Variants in CAB39 observed in about 807,000 individuals in gnomAD.
CAB39 encodes the protein calcium binding protein 39.
In CAB39, 8 loss-of-function variants were observed where a neutral mutation model predicts 40.0. The observed-to-expected ratio is 0.20, with a 90% CI of 0.12 to 0.36. The LOEUF (loss-of-function observed/expected upper bound fraction) is 0.36. CAB39 is among the 10% of genes least tolerant of loss of function. The pLI, the probability that CAB39 is intolerant of heterozygous loss-of-function variation, is 1.00. For missense variants in CAB39, 270 were observed against 401.1 expected (o/e 0.67, Z 2.79); for synonymous variants, 156 against 141.6 (o/e 1.10, Z -0.72).
chr2:230,721,264 C>G (rs919848400), intron 1 of CAB39, among the ~76,000 whole-genome samples: 2 of 152,092 alleles, frequency 1.3e-5, no homozygotes, highest in African/African-American at 4.8e-5. Flanking sequence ...AACCATGTCT[C>G]TACTAAAAAT....
At chr2:230,726,881 T>C (rs1451657045) in intron 1 of CAB39, among the ~76,000 whole-genome samples, 1 of 148,146 alleles carries the variant, frequency 6.8e-6, no homozygotes, top group East Asian at 2.0e-4. Flanking sequence ...CCGGACTTTT[T>C]AAATATAGTG....
At chr2:230,775,566 T>C (rs941130808) in intron 2 of CAB39, among the ~76,000 whole-genome samples, 22 of 152,166 alleles carry the variant, frequency 1.4e-4, no homozygotes, top group Middle Eastern at 3.2e-3. Context: ...TAACTAGTTA[T>C]ATGTAAGTTA....
intron 5 of CAB39, among the ~76,000 whole-genome samples, chr2:230,799,789 G>A (rs1054441479): frequency 1.3e-5 from 2 of 152,228 alleles, no homozygotes; most frequent in Admixed American, 6.5e-5. Context: ...TCGGGAGTTC[G>A]AGACCAGCCT....
intron 5 of CAB39, among the ~76,000 whole-genome samples, chr2:230,806,488 C>T (rs945869606): frequency 6.6e-6 from 1 of 152,052 alleles, no homozygotes; most frequent in Non-Finnish European, 1.5e-5. Flanking sequence ...CTTTAAGAGG[C>T]ACATAGACAA....
chr2:230,764,516 G>C (rs541986519), intron 2 of CAB39, among the ~76,000 whole-genome samples: 1 of 152,272 alleles, frequency 6.6e-6, no homozygotes, highest in South Asian at 2.1e-4. Context: ...TTGGATCACT[G>C]ACATATACAG....
rs1696449802 is a variant in CAB39, at chr2:230,818,741, A to G, written c.*37A>G. The G allele has an allele frequency of 6.5e-7, 1 of 1,535,656 alleles. No homozygotes were observed. The highest frequency in any genetic ancestry group is 9.0e-7 in the Non-Finnish European group (1 of 1,114,010). ...CATCTATGTTAAATCCAAATTCAGC[A>G]TTTGCTGTTAGCTATTCAGCATCAG... is the stretch of plus-strand genomic sequence containing the variant. On this transcript the variant is annotated 3_prime_UTR_variant, in exon 9 of 9. Transcript: ENST00000258418.
At chr2:230,768,566 A>G (rs1249804474) in intron 2 of CAB39, among the ~76,000 whole-genome samples, 1 of 152,240 alleles carries the variant, frequency 6.6e-6, no homozygotes, top group Admixed American at 6.5e-5. Context: ...ATTAAGTTAT[A>G]TGAAGAGAAT....
At chr2:230,801,349 G>A (rs1696086340) in intron 5 of CAB39, among the ~76,000 whole-genome samples, 1 of 152,184 alleles carries the variant, frequency 6.6e-6, no homozygotes, top group Middle Eastern at 3.2e-3. Flanking sequence ...GCACACCAGA[G>A]GCGCTGACAA....
intron 1 of CAB39, among the ~76,000 whole-genome samples, chr2:230,744,180 A>G (rs1393291338): frequency 1.3e-5 from 2 of 152,132 alleles, no homozygotes; most frequent in Admixed American, 1.3e-4. Context: ...TGGCCTCCCA[A>G]AGTGCTGGGA....
At chr2:230,809,156 C>G (rs112711149) in intron 5 of CAB39, among the ~76,000 whole-genome samples, 3,034 of 152,228 alleles carry the variant, frequency 0.02, 59 homozygotes, top group Non-Finnish European at 0.029. Context: ...AGGGCTTTCA[C>G]AGAAAGTAGG....
At chr2:230,742,411 G>A (rs1323549544) in intron 1 of CAB39, among the ~76,000 whole-genome samples, 5 of 152,238 alleles carry the variant, frequency 3.3e-5, no homozygotes, top group South Asian at 2.1e-4. Context: ...TCCTGACCTC[G>A]TGATTCGCCC....
At chr2:230,764,858 G>A (rs1011693322) in intron 2 of CAB39, among the ~76,000 whole-genome samples, 1 of 152,262 alleles carries the variant, frequency 6.6e-6, no homozygotes, top group South Asian at 2.1e-4. Flanking sequence ...ATTCTATAAG[G>A]AGCCAAAGGT....
intron 2 of CAB39, among the ~76,000 whole-genome samples, chr2:230,770,132 T>C (rs892770463): frequency 1.3e-5 from 2 of 150,998 alleles, no homozygotes; most frequent in Admixed American, 6.6e-5. Context: ...AAGAGCAAAT[T>C]AAATACAAAG....
intron 1 of CAB39, among the ~76,000 whole-genome samples, chr2:230,738,651 T>C (rs1412250920): frequency 6.6e-6 from 1 of 152,238 alleles, no homozygotes; most frequent in African/African-American, 2.4e-5. Flanking sequence ...CTGTTTACAC[T>C]AAATACCACC....
intron 2 of CAB39, among the ~76,000 whole-genome samples, chr2:230,774,272 GT>G (rs1695546069): frequency 6.6e-6 from 1 of 151,896 alleles, no homozygotes; most frequent in Non-Finnish European, 1.5e-5. Flanking sequence ...ACATTTGAGT[GT>G]TTATTCCTTT....
intron 2 of CAB39, among the ~76,000 whole-genome samples, chr2:230,770,885 A>C (rs1695470754): frequency 6.7e-6 from 1 of 148,698 alleles, no homozygotes; most frequent in African/African-American, 2.4e-5. Flanking sequence ...GAGGAAGGGA[A>C]TTTTCTCAAG....
intron 1 of CAB39, among the ~76,000 whole-genome samples, chr2:230,745,836 A>G (rs536723912): frequency 2.2e-4 from 34 of 152,212 alleles, no homozygotes; most frequent in African/African-American, 8.2e-4. Context: ...CATGTTGGCC[A>G]AGATGTTCTT....
intron 1 of CAB39, among the ~76,000 whole-genome samples, chr2:230,751,538 C>T (rs1695085623): frequency 6.6e-6 from 1 of 152,170 alleles, no homozygotes; most frequent in South Asian, 2.1e-4. Context: ...AACGCAAAAG[C>T]AGTCAGATCT....
intron 2 of CAB39, among the ~76,000 whole-genome samples, chr2:230,767,349 A>T (rs62193633): frequency 0.11 from 16,957 of 152,102 alleles, 1,181 homozygotes; most frequent in Middle Eastern, 0.16. Context: ...CCAGAATCTA[A>T]TCCCTTCTCC....
Sources: gnomAD v4.1 joint callset for allele counts (sites outside exome capture counted in the v4.1 genomes callset) on GRCh38, gnomAD v4.1.1 for gene constraint, MANE v1.5 for transcripts, NCBI Gene and HGNC (gene_info 2026-07-23, HGNC 2026-07-21) for gene names.